POM121C: variants seen among roughly 807,000 people sequenced by gnomAD.
POM121C encodes POM121 transmembrane nucleoporin C.
Under a neutral mutation model 66.4 loss-of-function variants are expected in POM121C, and 20 were observed. That is an observed-to-expected ratio of 0.30 (90% confidence interval 0.21 to 0.44). The LOEUF (loss-of-function observed/expected upper bound fraction) is 0.44, where lower values mean the gene tolerates loss of function less well. POM121C is among the 20% of genes least tolerant of loss of function. The pLI is 1.00. For synonymous variants in POM121C, 286 were observed against 528.0 expected (o/e 0.54, Z 6.28); for missense variants, 580 against 1,225.7 (o/e 0.47, Z 7.87).
chr7:75,444,271 G>A (rs1341298267), intron 3 of POM121C, among the ~76,000 whole-genome samples: 3 of 57,364 alleles, frequency 5.2e-5, no homozygotes, highest in South Asian at 6.1e-4. Context: ...GGGGGGGGGC[G>A]GAGGGGGGAC....
At chr7:75,444,141 T>A (rs1462864826) in intron 3 of POM121C, among the ~76,000 whole-genome samples, 2 of 132,826 alleles carry the variant, frequency 1.5e-5, no homozygotes, top group African/African-American at 5.3e-5. Flanking sequence ...CTGGGGCAAC[T>A]CAGAGAGATG....
chr7:75,422,108 G>C lies in POM121C; in HGVS notation c.2144C>G (p.Pro715Arg), dbSNP rs782038012. Residue 715 changes from proline to arginine, a missense_variant, in exon 13 of 15, where the codon CCG (proline) becomes CGG (arginine). By Grantham distance (103) the Pro-to-Arg change is moderately radical. Transcript: ENST00000615331. ...PAFGAAEGQP[P>R]GAAKPALTPS... is the part of the protein sequence containing the mutation. ...GGTAAGGGCTGGCTTGGCGGCCCCCGGTGGCTGCCCCTCAGCGGCCCCAAA... is the reference window on the plus strand; with the variant it reads ...GGTAAGGGCTGGCTTGGCGGCCCCCCGTGGCTGCCCCTCAGCGGCCCCAAA... 2.5e-6 allele frequency: 4 copies of C among 1,602,700 alleles called. No homozygotes were observed. In the Admixed American group the frequency reaches 5.0e-5, roughly 20 times the overall value.
At position 75,486,116 on chromosome 7, in the gene POM121C, G is replaced by C; in HGVS notation, c.-710C>G. The C allele has an allele frequency of 2.8e-6, 1 of 351,234 alleles. No individual in the cohort carries two copies. The highest frequency in any genetic ancestry group is 5.4e-6 in the Non-Finnish European group (1 of 183,848). The allele number at this position is 351,234 out of a possible 1,614,324, so 21.8% of individuals were successfully genotyped here. The stretch of plus-strand genomic sequence containing the variant: ...CCGGCTCCGGGGTTCACGCTCGGGG[G>C]TCCCAGCTCGAGCCTCTACCCGGCC... On this transcript the variant is annotated 5_prime_UTR_variant, in exon 1 of 15. Coordinates refer to ENST00000615331, the MANE Select transcript of POM121C (RefSeq NM_001099415.3).
intron 3 of POM121C, among the ~76,000 whole-genome samples, chr7:75,467,221 G>C (rs1554477964): frequency 6.6e-6 from 1 of 152,168 alleles, no homozygotes; most frequent in Admixed American, 6.5e-5. Context: ...AAAATCTGGT[G>C]CTCAAGTATG....
intron 5 of POM121C, among the ~76,000 whole-genome samples, chr7:75,439,971 C>T (rs1756891965): frequency 6.6e-6 from 1 of 150,886 alleles, no homozygotes; most frequent in Non-Finnish European, 1.5e-5. Context: ...ACCTCCGCCT[C>T]CTGGGTTCAA....
chr7:75,443,492 G>A (rs1356769422), intron 3 of POM121C, among the ~76,000 whole-genome samples: 1 of 151,680 alleles, frequency 6.6e-6, no homozygotes, highest in Non-Finnish European at 1.5e-5. Context: ...AGTTTCCTCA[G>A]ACATTCATTC....
At chr7:75,469,285 A>C (rs1554478295) in intron 3 of POM121C, among the ~76,000 whole-genome samples, 1 of 152,028 alleles carries the variant, frequency 6.6e-6, no homozygotes, top group South Asian at 2.1e-4. Flanking sequence ...TTTTTTAGAG[A>C]CAGGGTCTTG....
rs781972519 is a variant in POM121C at position 75,422,032 on chromosome 7, C to T, written c.2220G>A (p.Pro740=). 93 of 1,606,662 alleles carry T rather than the reference C, an allele frequency of 5.8e-5. 2 individuals carry two copies. The highest frequency in any genetic ancestry group is 3.4e-4 in the South Asian group (31 of 90,884). The change falls in exon 13 of 15, where the codon CCG becomes CCA. Residue 740 remains proline, a synonymous_variant. Transcript: ENST00000615331. ...FTFGNSAAPA[P]ATAPTPAPAS... ...CAGGTGCAGGTGTGGGTGCAGTAGCCGGGGCCGGGGCTGCAGAGTTTCCAA... is the reference window on the plus strand; with the variant it reads ...CAGGTGCAGGTGTGGGTGCAGTAGCTGGGGCCGGGGCTGCAGAGTTTCCAA...
At chr7:75,451,293 A>AACCAAAACAGCATGGTACTGGT (rs1228832904) in intron 3 of POM121C, among the ~76,000 whole-genome samples, 9 of 149,496 alleles carry the variant, frequency 6.0e-5, no homozygotes, top group Non-Finnish European at 1.2e-4. Flanking sequence ...AGGCTACTGT[A>AACCAAAACAGCATGGTACTGGT]ACCAAAACAG....
chr7:75,452,817 T>C (rs1236991367), intron 3 of POM121C, among the ~76,000 whole-genome samples: 2 of 152,218 alleles, frequency 1.3e-5, no homozygotes, highest in African/African-American at 4.8e-5. Flanking sequence ...CTCTCATCTC[T>C]TCACCCTCTT....
chr7:75,462,627 C>T (rs1333254704), intron 3 of POM121C, among the ~76,000 whole-genome samples: 1 of 152,084 alleles, frequency 6.6e-6, no homozygotes, highest in Non-Finnish European at 1.5e-5. Context: ...TTTTCCCGTT[C>T]TCAGCTGCCT....
chr7:75,482,920 T>C (rs1472640598), intron 1 of POM121C, among the ~76,000 whole-genome samples: 4 of 152,204 alleles, frequency 2.6e-5, no homozygotes, highest in Non-Finnish European at 4.4e-5. Context: ...CTGACTGACT[T>C]AGCAAAGTGA....
At chr7:75,432,628 T>C (rs1790227131) in intron 7 of POM121C, among the ~76,000 whole-genome samples, 1 of 152,206 alleles carries the variant, frequency 6.6e-6, no homozygotes, top group South Asian at 2.1e-4. Context: ...TTTGTTTTTC[T>C]GTGTATTATA....
chr7:75,424,101 C>A lies in POM121C; in HGVS notation c.996G>T (p.Leu332=), dbSNP rs371841804. 3.8e-3 allele frequency: 6,048 copies of A among 1,611,874 alleles called. 23 individuals carry two copies. The highest frequency in any genetic ancestry group is 4.5e-3 in the Middle Eastern group (20 of 4,430). ...TCTGCATCTTCTTCAAGCTCTCTAACAGTGGGTTGGTGCTTGGGGCCAGGA... is the reference window on the plus strand; with the variant it reads ...TCTGCATCTTCTTCAAGCTCTCTAAAAGTGGGTTGGTGCTTGGGGCCAGGA... The part of the protein sequence containing the change: ...TSLLAPSTNP[L]LESLKKMQTP... Residue 332 remains leucine, a synonymous_variant, in exon 12 of 15, where the codon CTG becomes CTT. Transcript: ENST00000615331.
At chr7:75,455,880 C>T (rs1791194940) in intron 3 of POM121C, among the ~76,000 whole-genome samples, 1 of 152,136 alleles carries the variant, frequency 6.6e-6, no homozygotes, top group Non-Finnish European at 1.5e-5. Flanking sequence ...TTTGATCCCT[C>T]ACATAGGATA....
rs587646117 is a variant in POM121C, at chr7:75,484,851, T to C, written c.-458+1013A>G. ...TTCCCATTATACGGCTCATGTTTTT[T>C]GTGGTTTGTTGGTTGAGACAGGGTC... On this transcript the variant is annotated intron_variant, in intron 1 of 14. Transcript: ENST00000615331. Among the ~76,000 whole-genome samples the C allele has an allele frequency of 6.4e-3, 970 of 152,060 alleles. 2 individuals are homozygous for C. Among genetic ancestry groups the C allele is most frequent in the Non-Finnish European group, 0.011 (714 of 67,968 alleles).
At chr7:75,428,404 C>T (rs1167750676) in intron 7 of POM121C, among the ~76,000 whole-genome samples, 1 of 152,150 alleles carries the variant, frequency 6.6e-6, no homozygotes, top group African/African-American at 2.4e-5. Context: ...TCCCAAAGCA[C>T]TAGGATTACA....
rs767145454 is a variant in POM121C at position 75,481,745 on chromosome 7, G to C, written c.-458+4119C>G. On this transcript the variant is annotated intron_variant, in intron 1 of 14. Coordinates refer to ENST00000615331, the MANE Select transcript of POM121C (RefSeq NM_001099415.3). ...GGAGGCTGAAGTGGGAGGATCACTT[G>C]AGCACAGGAGTTTGAGGCTGCAGTG... is the stretch of plus-strand genomic sequence containing the variant. 2.2e-4 allele frequency among the ~76,000 whole-genome samples: 34 copies of C among 152,262 alleles called. 1 individual carries two copies. Among genetic ancestry groups the C allele is most frequent in the Admixed American group, 5.2e-4 (8 of 15,288 alleles).
At chr7:75,459,924 A>AT (rs1450395854) in intron 3 of POM121C, among the ~76,000 whole-genome samples, 27 of 147,990 alleles carry the variant, frequency 1.8e-4, no homozygotes, top group African/African-American at 5.0e-4. Flanking sequence ...GCCAATGATC[A>AT]TAAGTATGTA....
Sources: gnomAD v4.1 joint callset for allele counts (sites outside exome capture counted in the v4.1 genomes callset) on GRCh38, gnomAD v4.1.1 for gene constraint, MANE v1.5 for transcripts, NCBI Gene and HGNC (gene_info 2026-07-23, HGNC 2026-07-21) for gene names.